Variants in SNAP91 observed in about 807,000 individuals in gnomAD.
SNAP91 encodes the protein clathrin coat assembly protein AP180.
A neutral mutation model predicts 100.3 loss-of-function variants in SNAP91; 27 were observed. The observed-to-expected ratio is 0.27, with a 90% CI of 0.20 to 0.37. The LOEUF is 0.37. Among genes scored for constraint, SNAP91 ranks in the 10% least tolerant of loss-of-function variants. The pLI, the probability that SNAP91 is intolerant of heterozygous loss-of-function variation, is 1.00. For missense variants in SNAP91, 986 were observed against 1,123.7 expected (o/e 0.88, Z 1.75); for synonymous variants, 404 against 398.6 (o/e 1.01, Z -0.16).
chr6:83,593,278 A>G lies in SNAP91; in HGVS notation c.1697-19T>C. On this transcript the variant is annotated intron_variant, in intron 18 of 29. Coordinates refer to ENST00000369694, the MANE Select transcript of SNAP91 (RefSeq NM_001242792.2). ...AATAAATCTAAGACCAAGAACACAC[A>G]TGCCTTTACTCAACTTGAACAATAA... 2.5e-6 allele frequency: 4 copies of G among 1,576,190 alleles called. No individual in the cohort carries two copies. The highest frequency in any genetic ancestry group is 3.4e-6 in the Non-Finnish European group (4 of 1,160,002).
At chr6:83,630,562 A>C (rs2097164994) in intron 8 of SNAP91, among the ~76,000 whole-genome samples, 1 of 152,034 alleles carries the variant, frequency 6.6e-6, no homozygotes, top group Non-Finnish European at 1.5e-5. Flanking sequence ...TTCCTGATTT[A>C]AGCTAGGAGG....
At chr6:83,665,693 G>T in intron 2 of SNAP91, 112 bp from the exon 3 acceptor site, 2 of 803,690 alleles carry the variant, frequency 2.5e-6, no homozygotes. Flanking sequence ...AAAGTACTTT[G>T]ATAATAGCTG....
At chr6:83,627,895 GT>G (rs2097017643) in intron 8 of SNAP91, among the ~76,000 whole-genome samples, 1 of 151,598 alleles carries the variant, frequency 6.6e-6, no homozygotes, top group Admixed American at 6.6e-5. Flanking sequence ...GTGAGGTGGC[GT>G]TTGGTTACAT....
intron 9 of SNAP91, 132 bp downstream of exon 9, chr6:83,623,169 A>G (rs2096797280): frequency 3.2e-6 from 2 of 631,194 alleles, no homozygotes; most frequent in Non-Finnish European, 5.6e-6. Flanking sequence ...AATAAGGTAG[A>G]ATAATTTCCA....
chr6:83,602,890 G>A (rs1001987087), intron 14 of SNAP91, among the ~76,000 whole-genome samples: 2 of 152,012 alleles, frequency 1.3e-5, no homozygotes, highest in Non-Finnish European at 2.9e-5. Context: ...TAATGCATGC[G>A]GGGCTTAAAA....
At position 83,649,894 on chromosome 6, in the gene SNAP91, A is replaced by T. The variant is rs117257568; in HGVS notation, c.658+6860T>A. On this transcript the variant is annotated intron_variant, in intron 7 of 29. Coordinates refer to ENST00000369694, the MANE Select transcript of SNAP91 (RefSeq NM_001242792.2). ...GTGAGCCACCACGCCCAGCCAATTC[A>T]TACCTTTTTAGGGGATGAGTATCAA... 1.5e-4 allele frequency among the ~76,000 whole-genome samples: 23 copies of T among 152,216 alleles called. No individual in the cohort carries two copies. The East Asian group carries it at 4.4e-3, about 29-fold the overall frequency.
chr6:83,579,897 A>G (rs566224022), intron 24 of SNAP91, among the ~76,000 whole-genome samples: 1 of 152,190 alleles, frequency 6.6e-6, no homozygotes, highest in Admixed American at 6.5e-5. Context: ...TTCTCCATGG[A>G]ACTTATGATC....
chr6:83,584,002 T>A (rs895927817), intron 22 of SNAP91, among the ~76,000 whole-genome samples: 1 of 152,224 alleles, frequency 6.6e-6, no homozygotes, highest in Non-Finnish European at 1.5e-5. Flanking sequence ...AAGTATCATA[T>A]AACTTTCTTT....
At chr6:83,638,242 C>G (rs2097542453) in intron 8 of SNAP91, among the ~76,000 whole-genome samples, 1 of 151,994 alleles carries the variant, frequency 6.6e-6, no homozygotes, top group Admixed American at 6.6e-5. Context: ...TGTGTTGCCT[C>G]TCTATTGATT....
intron 3 of SNAP91, among the ~76,000 whole-genome samples, chr6:83,664,747 A>G (rs1457640916): frequency 4.6e-5 from 7 of 152,200 alleles, no homozygotes; most frequent in African/African-American, 1.7e-4. Context: ...GCAAGGTTTG[A>G]GAGGATTGAC....
Position 83,594,452 on chromosome 6 carries a change from G to T in SNAP91, c.1354C>A (p.Pro452Thr). ...GCGGCGGCCCCTTCGGATGCTGCAG[G>T]GGCCTCCCCAGGAGAAGCTGCAAAG... Reference protein sequence around the residue: ...DAFAASPGEAPAASEGAAAPA... With the variant: ...DAFAASPGEATAASEGAAAPA... The change falls in exon 17 of 30, where the codon CCT becomes ACT. Residue 452 changes from proline (P) to threonine (T), a missense_variant. Coordinates refer to ENST00000369694, the MANE Select transcript of SNAP91 (RefSeq NM_001242792.2). 1.3e-6 allele frequency: 2 copies of T among 1,541,284 alleles called. No homozygotes were observed. The highest frequency in any genetic ancestry group is 1.2e-5 in the South Asian group (1 of 81,964).
At position 83,580,656 on chromosome 6, in the gene SNAP91, G is replaced by T. The variant is rs79117332; in HGVS notation, c.2150-57C>A. 1.4e-5 allele frequency: 20 copies of T among 1,461,934 alleles called. No individual in the cohort carries two copies. The South Asian group carries it at 2.7e-4, about 20-fold the overall frequency. 90.6% of individuals were successfully genotyped at this position (1,461,934 alleles called of 1,614,324 possible). On this transcript the variant is annotated intron_variant, in intron 23 of 29. Transcript: ENST00000369694. ...TTGAAAACAAAAAAAGATCATATGC[G>T]AAATTAAAGTAAAACTCTCTTTTGA... is the stretch of plus-strand genomic sequence containing the variant.
intron 25 of SNAP91, 63 bp downstream of exon 25, chr6:83,575,960 G>T: frequency 2.3e-6 from 2 of 856,546 alleles, no homozygotes; most frequent in Non-Finnish European, 3.6e-6. Flanking sequence ...TAAAATGGTT[G>T]ATAGTCTCAA....
intron 22 of SNAP91, among the ~76,000 whole-genome samples, chr6:83,585,593 T>G (rs999522218): frequency 2.6e-5 from 4 of 151,624 alleles, no homozygotes; most frequent in Non-Finnish European, 2.9e-5. Context: ...AAGGCTTTTG[T>G]GCATCCTGTA....
intron 7 of SNAP91, among the ~76,000 whole-genome samples, chr6:83,649,911 G>A (rs2098124522): frequency 6.6e-6 from 1 of 152,104 alleles, no homozygotes. Context: ...TTTAGGGGAT[G>A]AGTATCAAAG....
At chr6:83,657,716 G>A (rs541031112) in intron 6 of SNAP91, among the ~76,000 whole-genome samples, 2 of 151,870 alleles carry the variant, frequency 1.3e-5, no homozygotes, top group Admixed American at 6.5e-5. Context: ...AACAATATGA[G>A]TTAATAATGT....
At chr6:83,567,747 AG>A (rs1315673611) in intron 26 of SNAP91, among the ~76,000 whole-genome samples, 5 of 152,240 alleles carry the variant, frequency 3.3e-5, no homozygotes, top group Admixed American at 2.6e-4. Context: ...CATGAAAAAA[AG>A]CTCATCATCA....
intron 2 of SNAP91, among the ~76,000 whole-genome samples, chr6:83,683,684 C>T (rs2099022647): frequency 6.6e-6 from 1 of 152,184 alleles, no homozygotes; most frequent in South Asian, 2.1e-4. Flanking sequence ...GATAGTAACA[C>T]AAAATGGACT....
chr6:83,680,688 T>C lies in SNAP91; in HGVS notation c.131-15107A>G, dbSNP rs529442912. Among the ~76,000 whole-genome samples, 41 of 152,270 alleles carry C rather than the reference T, an allele frequency of 2.7e-4. No individual in the cohort carries two copies. In the South Asian group the frequency reaches 8.1e-3, roughly 30 times the overall value. ...AGTTTCTTAGCCTTGGCACTACTGA[T>C]ATTTTGGGCCAGAAAATTCTTCATT... is the stretch of plus-strand genomic sequence containing the variant. On this transcript the variant is annotated intron_variant, in intron 2 of 29. Transcript: ENST00000369694.
Sources: gnomAD v4.1 joint callset for allele counts (sites outside exome capture counted in the v4.1 genomes callset) on GRCh38, gnomAD v4.1.1 for gene constraint, MANE v1.5 for transcripts, NCBI Gene and HGNC (gene_info 2026-07-23, HGNC 2026-07-21) for gene names.